MICAL2: variants seen among roughly 807,000 people sequenced by gnomAD.
MICAL2 encodes the protein microtubule associated monooxygenase, calponin and LIM domain containing 2, also known as [F-actin]-monooxygenase MICAL2.
A neutral mutation model predicts 127.3 loss-of-function variants in MICAL2; 77 were observed. The ratio of observed to expected loss-of-function variants is 0.60; its 90% CI spans 0.50 to 0.73. MICAL2 has a LOEUF of 0.73. Among genes scored for constraint, MICAL2 ranks in the 30% least tolerant of loss-of-function variants. The probability of loss-of-function intolerance (pLI) is 0.00; values close to 1 mark genes in which losing one functional copy is unlikely to be tolerated. For missense variants in MICAL2, 1,351 were observed against 1,434.4 expected (o/e 0.94, Z 0.94); for synonymous variants, 570 against 551.1 (o/e 1.03, Z -0.48).
chr11:12,185,958 T>G (rs1164099782), intron 3 of MICAL2, among the ~76,000 whole-genome samples: 1 of 152,218 alleles, frequency 6.6e-6, no homozygotes, highest in Non-Finnish European at 1.5e-5. Context: ...ACATAGCAGG[T>G]GCTCAGCAAA....
At chr11:12,216,681 C>T (rs1856195699) in intron 8 of MICAL2, among the ~76,000 whole-genome samples, 1 of 152,158 alleles carries the variant, frequency 6.6e-6, no homozygotes, top group African/African-American at 2.4e-5. Flanking sequence ...ACATAGGCAT[C>T]CTTTGACTTG....
At chr11:12,283,651 C>G (rs1863794869) in intron 2 of MICAL2, among the ~76,000 whole-genome samples, 1 of 152,126 alleles carries the variant, frequency 6.6e-6, no homozygotes, top group Admixed American at 6.5e-5. Flanking sequence ...GATGGCTGCA[C>G]AGCAGGGTAA....
In MICAL2 at chr11:12,201,347, A is replaced by G. The variant is rs1853957592; in HGVS notation, c.265-2903A>G. Among the ~76,000 whole-genome samples the G allele has an allele frequency of 4.6e-5, 7 of 152,108 alleles. No individual in the cohort carries two copies. The South Asian group carries it at 1.5e-3, about 32-fold the overall frequency. ...TTGCACTGTCCCTTTGGGACCCTGC[A>G]GGCCCAGCTGAGTGATAACTGGATG... On this transcript the variant is annotated intron_variant, in intron 3 of 27. Coordinates refer to ENST00000683283, the MANE Select transcript of MICAL2 (RefSeq NM_001282663.2).
intron 3 of MICAL2, among the ~76,000 whole-genome samples, chr11:12,168,404 C>T (rs887508640): frequency 2.7e-5 from 4 of 150,790 alleles, no homozygotes; most frequent in Admixed American, 6.6e-5. Context: ...ACCATACACA[C>T]ATTCATACAT....
intron 15 of MICAL2, among the ~76,000 whole-genome samples, chr11:12,227,592 T>C (rs1029511876): frequency 6.6e-6 from 1 of 152,216 alleles, no homozygotes; most frequent in Admixed American, 6.5e-5. Flanking sequence ...GGCTCTCCTA[T>C]AGGTCAACTT....
At chr11:12,149,428 G>C (rs1383586941) in intron 2 of MICAL2, among the ~76,000 whole-genome samples, 4 of 152,188 alleles carry the variant, frequency 2.6e-5, no homozygotes, top group Non-Finnish European at 4.4e-5. Context: ...GATCTCTCTG[G>C]CAACAGTTTG....
chr11:12,142,450 T>C lies in MICAL2; in HGVS notation c.-78+3990T>C, dbSNP rs183826886. 9.0e-3 allele frequency among the ~76,000 whole-genome samples: 1,372 copies of C among 152,330 alleles called. 8 individuals are homozygous for C. Among genetic ancestry groups the C allele is most frequent in the Non-Finnish European group, 0.015 (1,014 of 68,034 alleles). On this transcript the variant is annotated intron_variant, in intron 2 of 27. Coordinates refer to ENST00000683283, the MANE Select transcript of MICAL2 (RefSeq NM_001282663.2). Reference sequence around the variant, plus strand: ...GTTTGCCATTCAAATCAAAATCATATGAGCGTTGTTGCTAAGCAGGCCTTG... The same window carrying C: ...GTTTGCCATTCAAATCAAAATCATACGAGCGTTGTTGCTAAGCAGGCCTTG...
chr11:12,242,542 T>C (rs1860126378), intron 19 of MICAL2, 110 bp downstream of exon 19: 1 of 1,431,258 alleles, frequency 7.0e-7, no homozygotes, highest in Non-Finnish European at 9.7e-7. Flanking sequence ...ACCCCCTGTC[T>C]CTCATCCTGC....
intron 1 of MICAL2, among the ~76,000 whole-genome samples, chr11:12,114,830 C>A (rs189441573): frequency 6.6e-6 from 1 of 152,354 alleles, no homozygotes; most frequent in East Asian, 1.9e-4. Flanking sequence ...GCTGCTCCCC[C>A]TCACTGTGCT....
At position 12,162,136 on chromosome 11, in the gene MICAL2, C is replaced by T. The variant is rs201280841; in HGVS notation, c.-20C>T. On this transcript the variant is annotated 5_prime_UTR_variant, in exon 3 of 28. Transcript: ENST00000683283. The stretch of plus-strand genomic sequence containing the variant: ...CACCTGTGTCCTCGCCGCACCACTG[C>T]CGCACACGACTCCTGAACCATGGGG... The T allele has an allele frequency of 2.8e-5, 45 of 1,613,854 alleles. No individual in the cohort carries two copies. The highest frequency in any genetic ancestry group is 3.6e-5 in the Non-Finnish European group (42 of 1,179,944).
intron 1 of MICAL2, among the ~76,000 whole-genome samples, chr11:12,126,050 G>T (rs1008043130): frequency 2.6e-5 from 4 of 152,184 alleles, no homozygotes; most frequent in African/African-American, 9.6e-5. Flanking sequence ...CCTTGCAGAG[G>T]GGACTCAGGG....
chr11:12,241,004 G>A (rs762083351), intron 17 of MICAL2, 36 bp from the exon 18 acceptor site: 25 of 1,609,660 alleles, frequency 1.6e-5, no homozygotes, highest in Non-Finnish European at 2.0e-5. Context: ...CATGTCTCCT[G>A]TGGCTGCTTT....
At chr11:12,204,498 C>T in intron 4 of MICAL2, 41 bp downstream of exon 4, 1 of 1,595,790 alleles carries the variant, frequency 6.3e-7, no homozygotes, top group Non-Finnish European at 8.6e-7. Context: ...AGGGAGGGGA[C>T]TGACCCTGGG....
intron 29 of MICAL2, chr11:12,308,074 G>C (rs1204556239): frequency 2.0e-5 from 3 of 152,072 alleles, no homozygotes; most frequent in African/African-American, 7.2e-5. Context: ...TTTTTTAATA[G>C]AGACAAGGTC....
intron 1 of MICAL2, among the ~76,000 whole-genome samples, chr11:12,118,805 T>C (rs991467714): frequency 6.6e-6 from 1 of 152,194 alleles, no homozygotes; most frequent in Non-Finnish European, 1.5e-5. Flanking sequence ...GAGATGAAAT[T>C]AAAATATTTG....
In MICAL2 at chr11:12,341,162, G is replaced by A. The variant is rs767506062; in HGVS notation, c.5516-8676G>A. On this transcript the variant is annotated intron_variant, in intron 32 of 34. Coordinates refer to the MICAL2 transcript ENST00000646065. The stretch of plus-strand genomic sequence containing the variant: ...GACCAGAGAACAAAAGACAGGGACC[G>A]AAACCCAGCCATTCCAGGGGAGAGG... Among the ~76,000 whole-genome samples the A allele has an allele frequency of 8.3e-4, 126 of 152,286 alleles. 1 individual carries two copies. Among genetic ancestry groups the A allele is most frequent in the Admixed American group, 1.9e-3 (29 of 15,298 alleles).
At chr11:12,160,927 C>A (rs1486077625) in intron 2 of MICAL2, among the ~76,000 whole-genome samples, 3 of 152,158 alleles carry the variant, frequency 2.0e-5, no homozygotes, top group Non-Finnish European at 2.9e-5. Flanking sequence ...ATTATAAAAC[C>A]GTCCCACAAT....
intron 1 of MICAL2, among the ~76,000 whole-genome samples, chr11:12,133,054 A>G (rs1433051709): frequency 6.6e-6 from 1 of 152,068 alleles, no homozygotes; most frequent in Non-Finnish European, 1.5e-5. Flanking sequence ...CTACCAGGCC[A>G]TGGATTTTTT....
downstream of MICAL2, chr11:12,292,285 C>G (rs778274397): frequency 6.2e-7 from 1 of 1,614,038 alleles, no homozygotes; most frequent in Non-Finnish European, 8.5e-7. Context: ...CAGATGGTTC[C>G]TCCCCGCCTC....
Sources: gnomAD v4.1 joint callset for allele counts (sites outside exome capture counted in the v4.1 genomes callset) on GRCh38, gnomAD v4.1.1 for gene constraint, MANE v1.5 for transcripts, NCBI Gene and HGNC (gene_info 2026-07-23, HGNC 2026-07-21) for gene names.